The following DLGAP3 variants were observed in gnomAD, a reference collection of about 807,000 sequenced individuals.
DLGAP3 encodes disks large-associated protein 3.
Under a neutral mutation model 81.2 loss-of-function variants are expected in DLGAP3, and 17 were observed. The observed-to-expected ratio is 0.21, with a 90% confidence interval of 0.14 to 0.31. The LOEUF (loss-of-function observed/expected upper bound fraction) is 0.31, where lower values mean the gene tolerates loss of function less well. Ranked by LOEUF, DLGAP3 falls within the 10% of genes least tolerant of loss-of-function variation. The pLI, the probability that DLGAP3 is intolerant of heterozygous loss-of-function variation, is 1.00. For missense variants in DLGAP3, 1,124 were observed against 1,388.0 expected (o/e 0.81, Z 3.02); for synonymous variants, 577 against 587.4 (o/e 0.98, Z 0.26).
intron 1 of DLGAP3, among the ~76,000 whole-genome samples, chr1:34,909,847 T>C (rs1639613891): frequency 6.6e-6 from 1 of 152,146 alleles, no homozygotes; most frequent in Non-Finnish European, 1.5e-5. Flanking sequence ...AAAACAGATG[T>C]GCCTTTTATT....
intron 8 of DLGAP3, among the ~76,000 whole-genome samples, chr1:34,870,049 C>T (rs1048018671): frequency 1.3e-5 from 2 of 152,190 alleles, no homozygotes; most frequent in Non-Finnish European, 2.9e-5. Flanking sequence ...CCCGATGGCT[C>T]AGCCCAGAGC....
In DLGAP3 at chr1:34,900,308, AC is replaced by A. The variant is rs1557484904; in HGVS notation, c.1108-36del. On this transcript the variant is annotated intron_variant, in intron 3 of 11. Coordinates refer to ENST00000373347, the MANE Select transcript of DLGAP3 (RefSeq NM_001080418.3). The surrounding 1 kb of genome is among the most constrained non-coding windows in gnomAD (Gnocchi z 5.6). ...CAGGGGTCTCTGTCTCTCAGACATG[AC>A]CCTAGTAAATCTAGAGGCCAGGACT... The A allele has an allele frequency of 6.2e-7, 1 of 1,601,946 alleles. No homozygotes were observed. Among genetic ancestry groups the A allele is most frequent in the Non-Finnish European group, 8.5e-7 (1 of 1,170,714 alleles).
chr1:34,890,223 T>G (rs1347789487), intron 5 of DLGAP3, among the ~76,000 whole-genome samples: 2 of 152,136 alleles, frequency 1.3e-5, no homozygotes, highest in African/African-American at 4.8e-5. Flanking sequence ...AAATTAAAAA[T>G]TAGCATAAAA....
rs1039785071 is a variant in DLGAP3 at position 34,895,317 on chromosome 1, G to A, written c.1386+4352C>T. On this transcript the variant is annotated intron_variant, in intron 5 of 11. Transcript: ENST00000373347. The surrounding 1 kb of genome is among the most constrained non-coding windows in gnomAD (Gnocchi z 4.5). The stretch of plus-strand genomic sequence containing the variant: ...CAGGAAGCGGAGCTTGCAGTGAGCC[G>A]AGATCATGCCACTGCACTCCTACCT... Among the ~76,000 whole-genome samples, 2 of 150,062 alleles carry A rather than the reference G, an allele frequency of 1.3e-5. No homozygotes were observed. Among genetic ancestry groups the A allele is most frequent in the South Asian group, 4.2e-4 (2 of 4,770 alleles).
At chr1:34,918,874 G>T (rs1639759226) in intron 1 of DLGAP3, among the ~76,000 whole-genome samples, 2 of 152,328 alleles carry the variant, frequency 1.3e-5, no homozygotes, top group African/African-American at 4.8e-5. Flanking sequence ...GGGGATCTGG[G>T]GTGAAAGGAG....
chr1:34,885,448 A>G, intron 7 of DLGAP3, 30 bp downstream of exon 7: 1 of 1,602,492 alleles, frequency 6.2e-7, no homozygotes, highest in Non-Finnish European at 8.5e-7. Context: ...CCAGGGTCAG[A>G]GCCCTCGTGG....
At position 34,900,046 on chromosome 1, in the gene DLGAP3, C is replaced by T. The variant is rs760654635; in HGVS notation, c.1313+22G>A. ...AGCATCAGCCTCCTGACCCCGCACC[C>T]CCCGGCCCTCCCTGTCCTTACTTGA... On this transcript the variant is annotated intron_variant, in intron 4 of 11. Coordinates refer to ENST00000373347, the MANE Select transcript of DLGAP3 (RefSeq NM_001080418.3). The surrounding 1 kb of genome is among the most constrained non-coding windows in gnomAD (Gnocchi z 5.6). 1 of 1,606,446 alleles carries T rather than the reference C, an allele frequency of 6.2e-7. No individual in the cohort carries two copies. Among genetic ancestry groups the T allele is most frequent in the Admixed American group, 1.7e-5 (1 of 59,964 alleles).
chr1:34,867,164 A>G lies in DLGAP3; in HGVS notation c.2605T>C (p.Phe869Leu). Residue 869 changes from phenylalanine (F) to leucine (L), a missense_variant, in exon 11 of 12, where the codon TTC becomes CTC. This residue lies in a region of DLGAP3 where 133 missense variants were observed against 171.1 expected (regional missense o/e 0.78). Transcript: ENST00000373347. The surrounding 1 kb of genome is among the most constrained non-coding windows in gnomAD (Gnocchi z 4.3). ...MDPTAFPVPTFQDLAGFWDLL... is the reference protein window; with the variant it reads ...MDPTAFPVPTLQDLAGFWDLL... ...TCCCAGAAACCCGCCAGGTCCTGGA[A>G]GGTGGGCACAGGGAACGCAGTGGGA... The G allele has an allele frequency of 6.2e-7, 1 of 1,614,218 alleles. No individual in the cohort carries two copies. The highest frequency in any genetic ancestry group is 8.5e-7 in the Non-Finnish European group (1 of 1,180,028).
intron 7 of DLGAP3, 134 bp from the exon 8 acceptor site, chr1:34,885,197 A>T: frequency 2.2e-6 from 2 of 923,274 alleles, no homozygotes; most frequent in Non-Finnish European, 3.4e-6. Context: ...GAACAAGATG[A>T]GAGACCCAGG....
rs568625655 is a variant in DLGAP3 at position 34,903,506 on chromosome 1, G to A, written c.1107+771C>T. ...AAATTACGGCAGGACTTAAGAAAAC[G>A]ATGTGGGCTGGATGAGGCTGGGGTG... On this transcript the variant is annotated intron_variant, in intron 3 of 11. Transcript: ENST00000373347. Among the ~76,000 whole-genome samples, 6 of 152,306 alleles carry A rather than the reference G, an allele frequency of 3.9e-5. No homozygotes were observed. The South Asian group carries it at 6.2e-4, about 16-fold the overall frequency.
At chr1:34,877,094 A>T (rs147477859) in intron 8 of DLGAP3, among the ~76,000 whole-genome samples, 104 of 152,362 alleles carry the variant, frequency 6.8e-4, no homozygotes, top group African/African-American at 2.4e-3. Flanking sequence ...TTCAAAGAAC[A>T]TATAGTGAGA....
At chr1:34,901,816 T>C (rs1324259495) in intron 3 of DLGAP3, among the ~76,000 whole-genome samples, 1 of 152,186 alleles carries the variant, frequency 6.6e-6, no homozygotes, top group Non-Finnish European at 1.5e-5. Context: ...AACTCGATTA[T>C]GAAGGACATG....
chr1:34,866,322 C>G, intron 11 of DLGAP3, 21 bp from the exon 12 acceptor site: 2 of 1,498,060 alleles, frequency 1.3e-6, no homozygotes, highest in Non-Finnish European at 1.8e-6. Context: ...GAGGGCGTCG[C>G]TGAGCTGGGG....
At chr1:34,901,168 G>C (rs1040255320) in intron 3 of DLGAP3, among the ~76,000 whole-genome samples, 1 of 152,068 alleles carries the variant, frequency 6.6e-6, no homozygotes, top group Admixed American at 6.6e-5. Flanking sequence ...GGCTGGAGGC[G>C]GACATGTGGG....
Position 34,905,085 on chromosome 1 carries a change from T to A in DLGAP3, c.299A>T (p.Asp100Val). 6.3e-7 allele frequency: 1 copy of A among 1,593,008 alleles called. No homozygotes were observed. The change falls in exon 3 of 12, where the codon GAC (aspartate) becomes GTC (valine). Residue 100 changes from aspartate to valine, a missense_variant. This residue lies in a region of DLGAP3 where 167 missense variants were observed against 172.1 expected (regional missense o/e 0.97). Coordinates refer to ENST00000373347, the MANE Select transcript of DLGAP3 (RefSeq NM_001080418.3). Reference sequence around the variant, plus strand: ...GTGGCCCACACAGTCTTCACAGGTGTCGAAGGGGCCCTGGCCAGGGTACAT... The same window carrying A: ...GTGGCCCACACAGTCTTCACAGGTGACGAAGGGGCCCTGGCCAGGGTACAT... ...PRMYPGQGPF[D>V]TCEDCVGHPQ... is the part of the protein sequence containing the mutation.
chr1:34,891,243 A>G (rs186599619), intron 5 of DLGAP3, among the ~76,000 whole-genome samples: 1 of 152,352 alleles, frequency 6.6e-6, no homozygotes, highest in African/African-American at 2.4e-5. Context: ...CAGGCTCCCA[A>G]TGCTATCAGT....
At chr1:34,922,748 C>T (rs1639814591) in intron 1 of DLGAP3, among the ~76,000 whole-genome samples, 1 of 152,214 alleles carries the variant, frequency 6.6e-6, no homozygotes, top group African/African-American at 2.4e-5. Flanking sequence ...TGCATGTGTA[C>T]TGGAGTCCCA....
chr1:34,901,546 C>T (rs931500442), intron 3 of DLGAP3, among the ~76,000 whole-genome samples: 8 of 152,094 alleles, frequency 5.3e-5, no homozygotes, highest in Non-Finnish European at 1.0e-4. Flanking sequence ...TCCTTGTCTG[C>T]GAGTTGGTCA....
chr1:34,921,073 T>C (rs988778594), intron 1 of DLGAP3, among the ~76,000 whole-genome samples: 1 of 152,070 alleles, frequency 6.6e-6, no homozygotes, highest in African/African-American at 2.4e-5. Flanking sequence ...GCAAGCGCAA[T>C]TGCCTCCACA....
Sources: allele counts gnomAD v4.1 joint callset (sites outside exome capture counted in the v4.1 genomes callset), GRCh38; gene constraint gnomAD v4.1.1; regional missense constraint gnomAD v4.1.1; non-coding constraint Gnocchi (gnomAD v3.1); transcripts MANE v1.5; gene names NCBI Gene and HGNC (gene_info 2026-07-23, HGNC 2026-07-21).